Variants in COL14A1 observed in about 807,000 individuals in gnomAD.
The protein encoded by COL14A1 is collagen type XIV alpha 1 chain, also known as collagen alpha-1(XIV) chain.
A neutral mutation model predicts 230.3 loss-of-function variants in COL14A1; 136 were observed. That is an observed-to-expected ratio of 0.59 (90% CI 0.51 to 0.68). The LOEUF (loss-of-function observed/expected upper bound fraction) is 0.68, where lower values mean the gene tolerates loss of function less well. COL14A1 is among the 30% of genes least tolerant of loss of function. The probability of loss-of-function intolerance (pLI) is 0.00; values close to 1 mark genes in which losing one functional copy is unlikely to be tolerated. For missense variants in COL14A1, 1,976 were observed against 2,215.8 expected (o/e 0.89, Z 2.17); for synonymous variants, 792 against 784.1 (o/e 1.01, Z -0.17).
At position 120,225,188 on chromosome 8, in the gene COL14A1, A is replaced by T; in HGVS notation, c.1838A>T (p.Glu613Val). The T allele has an allele frequency of 6.2e-7, 1 of 1,612,762 alleles. No individual in the cohort carries two copies. Among genetic ancestry groups the T allele is most frequent in the East Asian group, 2.2e-5 (1 of 44,776 alleles). The change falls in exon 15 of 48, where the codon GAG becomes GTG. Residue 613 changes from glutamate (E) to valine (V), a missense_variant. Glu to Val is a moderately radical substitution (Grantham distance 121). Coordinates refer to ENST00000297848, the MANE Select transcript of COL14A1 (RefSeq NM_021110.4). ...TCCATCTATGATGAAGGACAGTCAG[A>T]GCCTCTGACTGGAGTTTTTACCACC... is the stretch of plus-strand genomic sequence containing the variant. ...IFSIYDEGQS[E>V]PLTGVFTTEE...
intron 12 of COL14A1, among the ~76,000 whole-genome samples, chr8:120,211,949 T>C (rs142120578): frequency 4.3e-4 from 66 of 152,352 alleles, no homozygotes; most frequent in African/African-American, 1.5e-3. Flanking sequence ...GCAATTCAAC[T>C]GCGTGGATTC....
At chr8:120,229,754 C>T (rs990032773) in intron 18 of COL14A1, among the ~76,000 whole-genome samples, 8 of 152,182 alleles carry the variant, frequency 5.3e-5, no homozygotes, top group African/African-American at 1.9e-4. Context: ...CCTATTTCTC[C>T]ACATCCTCTC....
intron 40 of COL14A1, among the ~76,000 whole-genome samples, chr8:120,316,299 C>A (rs1443291431): frequency 2.0e-5 from 3 of 152,122 alleles, no homozygotes; most frequent in African/African-American, 7.2e-5. Flanking sequence ...TTCTCCAGTT[C>A]TTTCAAATCC....
intron 7 of COL14A1, among the ~76,000 whole-genome samples, chr8:120,198,829 T>A (rs1037010250): frequency 2.6e-5 from 4 of 152,208 alleles, no homozygotes; most frequent in African/African-American, 9.6e-5. Context: ...CTTTGCCAAC[T>A]TGAGGCAAAG....
rs530494579 is a variant in COL14A1, at chr8:120,223,039, A to G, written c.1738-2049A>G. ...GCCTAATTTCGACAAGAGCTGGGGA[A>G]TAGGGTCACAGACAGAGTGAACTGC... On this transcript the variant is annotated intron_variant, in intron 14 of 47. Transcript: ENST00000297848. 2.6e-5 allele frequency among the ~76,000 whole-genome samples: 4 copies of G among 152,246 alleles called. No individual in the cohort carries two copies. The South Asian group carries it at 8.3e-4, about 32-fold the overall frequency.
intron 36 of COL14A1, among the ~76,000 whole-genome samples, chr8:120,306,450 C>A (rs80112937): frequency 6.6e-6 from 1 of 151,956 alleles, no homozygotes; most frequent in Non-Finnish European, 1.5e-5. Flanking sequence ...CTAAATAAAG[C>A]GTAATAAACT....
intron 36 of COL14A1, among the ~76,000 whole-genome samples, chr8:120,302,337 T>C (rs1271755557): frequency 6.6e-6 from 1 of 152,146 alleles, no homozygotes; most frequent in African/African-American, 2.4e-5. Context: ...GAAAATGGTA[T>C]TGCCTAGGTT....
chr8:120,270,734 G>A (rs899088605), intron 26 of COL14A1, among the ~76,000 whole-genome samples: 1 of 151,672 alleles, frequency 6.6e-6, no homozygotes, highest in African/African-American at 2.4e-5. Flanking sequence ...ACAGATGCTG[G>A]CAAGATTGTG....
At position 120,283,759 on chromosome 8, in the gene COL14A1, G is replaced by A. The variant is rs925094483; in HGVS notation, c.3948G>A (p.Leu1316=). The A allele has an allele frequency of 4.3e-6, 7 of 1,611,760 alleles. No individual in the cohort carries two copies. Among genetic ancestry groups the A allele is most frequent in the Middle Eastern group, 1.6e-4 (1 of 6,068 alleles). ...WEILNKNSDP[L]VGVILDNGGK... ...TTTTAAATAAAAATTCTGACCCATT[G>A]GTTGGGGTTATTTTAGACAGTAAGT... The change falls in exon 32 of 48, where the codon TTG becomes TTA. Residue 1316 remains leucine, a synonymous_variant. Coordinates refer to ENST00000297848, the MANE Select transcript of COL14A1 (RefSeq NM_021110.4).
At chr8:120,237,683 G>C (rs750314223) in intron 19 of COL14A1, among the ~76,000 whole-genome samples, 8 of 152,198 alleles carry the variant, frequency 5.3e-5, no homozygotes, top group Admixed American at 1.3e-4. Flanking sequence ...CTTTGGAGGA[G>C]AAGGGGCATT....
chr8:120,354,564 T>G (rs1822910831), intron 45 of COL14A1, among the ~76,000 whole-genome samples: 1 of 152,190 alleles, frequency 6.6e-6, no homozygotes, highest in African/African-American at 2.4e-5. Flanking sequence ...CTTTTCTTAT[T>G]ATCTAAAAGA....
At chr8:120,305,898 C>T (rs6469910) in intron 36 of COL14A1, among the ~76,000 whole-genome samples, 82,147 of 151,952 alleles carry the variant, frequency 0.54, 24,000 homozygotes, top group African/African-American at 0.79. Context: ...AAATAATCAC[C>T]ATTTCTATCC....
Position 120,199,419 on chromosome 8 carries a change from AT to A in COL14A1, c.735del (p.Phe245LeufsTer21). ...TCTCCAAGGTCTTGCTTTGAACTAC[AT>A]TTTTGAAAATAGCTTCAAACCAGAA... Reference protein sequence around the residue: ...NTLTGLALNYIFENSFKPEAG... With the variant: ...NTLTGLALNYXFENSFKPEAG... On this transcript the variant is annotated frameshift_variant, in exon 8 of 48. Coordinates refer to ENST00000297848, the MANE Select transcript of COL14A1 (RefSeq NM_021110.4). LOFTEE classifies it high-confidence loss of function. The A allele has an allele frequency of 6.2e-7, 1 of 1,601,882 alleles. No individual in the cohort carries two copies. The highest frequency in any genetic ancestry group is 8.5e-7 in the Non-Finnish European group (1 of 1,176,394).
At chr8:120,174,485 A>C (rs763738059) in intron 5 of COL14A1, among the ~76,000 whole-genome samples, 19 of 152,244 alleles carry the variant, frequency 1.2e-4, no homozygotes, top group Admixed American at 2.0e-4. Flanking sequence ...ACAACGGAAG[A>C]GTGAGGCTAC....
intron 18 of COL14A1, among the ~76,000 whole-genome samples, chr8:120,230,160 G>GT (rs1396753142): frequency 6.6e-6 from 1 of 152,098 alleles, no homozygotes; most frequent in Non-Finnish European, 1.5e-5. Flanking sequence ...GGAATTGCAG[G>GT]CATGAGCCAC....
chr8:120,318,197 C>A lies in COL14A1; in HGVS notation c.4659+2200C>A, dbSNP rs1379638082. ...ATCAATCAGCCGTGTCTTCATTGAG[C>A]AGATATAATATGCCATGTACTGTGC... On this transcript the variant is annotated intron_variant, in intron 40 of 47. Coordinates refer to ENST00000297848, the MANE Select transcript of COL14A1 (RefSeq NM_021110.4). Among the ~76,000 whole-genome samples, 3 of 152,244 alleles carry A rather than the reference C, an allele frequency of 2.0e-5. No homozygotes were observed. The East Asian group carries it at 5.8e-4, about 29-fold the overall frequency.
intron 45 of COL14A1, among the ~76,000 whole-genome samples, chr8:120,347,682 T>C (rs1822570946): frequency 6.6e-6 from 1 of 152,196 alleles, no homozygotes; most frequent in South Asian, 2.1e-4. Flanking sequence ...TCTCATTTTC[T>C]ATAAAAGGAA....
intron 5 of COL14A1, among the ~76,000 whole-genome samples, chr8:120,172,035 A>G (rs1002661042): frequency 6.6e-6 from 1 of 152,052 alleles, no homozygotes; most frequent in Admixed American, 6.6e-5. Flanking sequence ...AGAATTTTTT[A>G]TGGTGCTTGG....
At chr8:120,213,096 A>C (rs2219246) in intron 13 of COL14A1, among the ~76,000 whole-genome samples, 78,608 of 151,964 alleles carry the variant, frequency 0.52, 20,720 homozygotes, top group East Asian at 0.64. Flanking sequence ...TTTTCCTAAA[A>C]ATCTTTGCTG....
Sources: gnomAD v4.1 joint callset for allele counts (sites outside exome capture counted in the v4.1 genomes callset) on GRCh38, gnomAD v4.1.1 for gene constraint, MANE v1.5 for transcripts, NCBI Gene and HGNC (gene_info 2026-07-23, HGNC 2026-07-21) for gene names.